The following EHMT2 variants were observed in gnomAD, a reference collection of about 807,000 sequenced individuals.
The protein encoded by EHMT2 is histone-lysine N-methyltransferase EHMT2.
Under a neutral mutation model 143.3 loss-of-function variants are expected in EHMT2, and 59 were observed. The ratio of observed to expected loss-of-function variants is 0.41; its 90% confidence interval spans 0.33 to 0.51. EHMT2 has a LOEUF of 0.51. EHMT2 is among the 20% of genes least tolerant of loss of function. The pLI is 0.18. For missense variants in EHMT2, 1,174 were observed against 1,645.9 expected, an observed-to-expected ratio of 0.71 and a Z score of 4.96; for synonymous variants, 604 against 651.5, an observed-to-expected ratio of 0.93 and a Z score of 1.11.
In EHMT2 at chr6:31,883,954, C is replaced by CA. The variant is rs1764456773; in HGVS notation, c.2772-5dup. 3.1e-6 allele frequency: 5 copies of CA among 1,612,938 alleles called. No homozygotes were observed. The East Asian group carries it at 1.1e-4, about 36-fold the overall frequency. On this transcript the variant is annotated splice_region_variant and splice_polypyrimidine_tract_variant and intron_variant, in intron 21 of 27. Coordinates refer to ENST00000375537, the Ensembl canonical transcript of EHMT2. This position sits in a 1 kb window ranked among gnomAD's most constrained non-coding sequence, Gnocchi z 5.6. ...CTCATAGCCCCGAGCCACGTCCCTG[C>CA]AGAAGACGGGAAGAAGGGGCTGGGA...
chr6:31,882,774 T>C, exon 25 of EHMT2: 1 of 1,612,374 alleles, frequency 6.2e-7, no homozygotes, highest in Non-Finnish European at 8.5e-7. Context: ...TCGGTAGAGC[T>C]GTAGCCGCAC....
chr6:31,896,376 C>A (rs1464574787), exon 4 of EHMT2: 1 of 1,613,030 alleles, frequency 6.2e-7, no homozygotes, highest in South Asian at 1.1e-5. Flanking sequence ...GCTCCCTGGG[C>A]TCCTGGCATA....
intron 7 of EHMT2, among the ~76,000 whole-genome samples, chr6:31,891,310 G>GT (rs1456236917): frequency 6.6e-6 from 1 of 152,088 alleles, no homozygotes; most frequent in Admixed American, 6.5e-5. Flanking sequence ...AAAACCATTT[G>GT]TGAGAGCTGA....
chr6:31,888,753 A>T lies in EHMT2; in HGVS notation c.1217-6T>A. 1 of 1,612,272 alleles carries T rather than the reference A, an allele frequency of 6.2e-7. No homozygotes were observed. ...AGATGTGTCATTGGACACCCCTTGG[A>T]TGGAGGAAAAGAGGAGCTGAGGGAG... On this transcript the variant is annotated splice_region_variant and splice_polypyrimidine_tract_variant and intron_variant, in intron 10 of 27. Coordinates refer to ENST00000375537, the Ensembl canonical transcript of EHMT2. This position sits in a 1 kb window ranked among gnomAD's most constrained non-coding sequence, Gnocchi z 7.4.
intron 7 of EHMT2, among the ~76,000 whole-genome samples, chr6:31,890,094 CT>C (rs1765487222): frequency 6.6e-6 from 1 of 152,282 alleles, no homozygotes; most frequent in East Asian, 1.9e-4. Flanking sequence ...ACTGTCAAGT[CT>C]TCTTGGCACC....
chr6:31,882,255 G>A (rs183884049), intron 25 of EHMT2, among the ~76,000 whole-genome samples: 2 of 152,232 alleles, frequency 1.3e-5, no homozygotes, highest in Non-Finnish European at 2.9e-5. Context: ...CTGAGGAGGT[G>A]GACAGATAGG....
rs146726232 is a variant in EHMT2 at position 31,883,925 on chromosome 6, C to T, written c.2797G>A (p.Val933Met). ...ACACCGTTGACACAGGGAATGGGCA[C>T]GTTCTCATAGCCCCGAGCCACGTCC... The change falls in exon 22 of 28, where the codon GTG becomes ATG. Residue 933 changes from valine (V) to methionine (M), a missense_variant. Around this residue, in one of 6 missense-constraint regions of EHMT2, gnomAD observed 608 missense variants for 903.7 expected, o/e 0.67. Transcript: ENST00000375537. The surrounding 1 kb of genome is among the most constrained non-coding windows in gnomAD (Gnocchi z 5.6). The T allele has an allele frequency of 3.4e-5, 55 of 1,613,760 alleles. No homozygotes were observed. The South Asian group carries it at 4.2e-4, about 12-fold the overall frequency.
At chr6:31,879,913 G>T in exon 28 of EHMT2, 1 of 762,076 alleles carries the variant, frequency 1.3e-6, no homozygotes, top group Non-Finnish European at 2.1e-6. Flanking sequence ...CTGGGAGGGA[G>T]GGGCTGTCAG....
chr6:31,891,837 A>G (rs1202142158), intron 7 of EHMT2, among the ~76,000 whole-genome samples: 1 of 152,200 alleles, frequency 6.6e-6, no homozygotes, highest in East Asian at 1.9e-4. Flanking sequence ...TTTAAACAGT[A>G]CATGTCTGTT....
At chr6:31,886,682 C>T (rs749750128) in exon 18 of EHMT2, 1 of 1,614,048 alleles carries the variant, frequency 6.2e-7, no homozygotes, top group Non-Finnish European at 8.5e-7. Context: ...CCGTCCTCCT[C>T]CTGAGGGAGA....
At position 31,884,582 on chromosome 6, in the gene EHMT2, A is replaced by G. The variant is rs1764567357; in HGVS notation, c.2604-23T>C. ...AACCTGAAGAGGGGACAGGATGCCC[A>G]ATGCAGGGTCTGAGGCTGCAAGAAG... On this transcript the variant is annotated intron_variant, in intron 20 of 27. Coordinates refer to ENST00000375537, the Ensembl canonical transcript of EHMT2. This position sits in a 1 kb window ranked among gnomAD's most constrained non-coding sequence, Gnocchi z 7.3. The G allele has an allele frequency of 6.2e-7, 1 of 1,611,828 alleles. No individual in the cohort carries two copies. The highest frequency in any genetic ancestry group is 8.5e-7 in the Non-Finnish European group (1 of 1,179,270).
chr6:31,896,712 A>AACAGTG lies in EHMT2; in HGVS notation c.216_221dup (p.Thr73_Val74dup), dbSNP rs757657792. ...CAGGGGTGTCAGCCCCCTCATCACC[A>AACAGTG]ACAGTGACAGTGACAGAGGCTGGAG... On this transcript the variant is annotated inframe_insertion, in exon 3 of 28. Transcript: ENST00000375537. The AACAGTG allele has an allele frequency of 6.8e-6, 11 of 1,612,490 alleles. No homozygotes were observed. The South Asian group carries it at 8.8e-5, about 13-fold the overall frequency.
At chr6:31,890,901 A>T (rs1193326838) in intron 7 of EHMT2, among the ~76,000 whole-genome samples, 1 of 151,748 alleles carries the variant, frequency 6.6e-6, no homozygotes, top group Non-Finnish European at 1.5e-5. Context: ...AACACAAAGA[A>T]GATGGGGAAA....
chr6:31,894,514 C>T (rs1379658877), intron 4 of EHMT2, among the ~76,000 whole-genome samples: 1 of 152,096 alleles, frequency 6.6e-6, no homozygotes, highest in Non-Finnish European at 1.5e-5. Context: ...AACTCCTGAC[C>T]TCAGGTGATC....
intron 4 of EHMT2, among the ~76,000 whole-genome samples, chr6:31,895,049 A>C (rs1766200846): frequency 6.6e-6 from 1 of 152,244 alleles, no homozygotes; most frequent in South Asian, 2.1e-4. Context: ...TTACAAAATG[A>C]ATTGCAACTA....
intron 1 of EHMT2, 121 bp from the exon 2 acceptor site, chr6:31,897,110 C>G: frequency 1.4e-6 from 2 of 1,401,226 alleles, no homozygotes; most frequent in South Asian, 1.8e-5. Context: ...CTCTGTGGGG[C>G]CCCCCCCTTC....
chr6:31,887,152 A>G lies in EHMT2; in HGVS notation c.2012-51T>C, dbSNP rs1190649360. The G allele has an allele frequency of 3.4e-6, 5 of 1,480,910 alleles. No homozygotes were observed. In the Admixed American group the frequency reaches 9.5e-5, roughly 28 times the overall value. The allele number at this position is 1,480,910 out of a possible 1,614,324, so 91.7% of individuals were successfully genotyped here. A position where few individuals can be genotyped will look rare whatever the true frequency, so the allele number is the denominator to read the frequency against. On this transcript the variant is annotated intron_variant, in intron 15 of 27. Coordinates refer to ENST00000375537, the Ensembl canonical transcript of EHMT2. ...GAGAGGGAGGGACAAGTGGTAAGCA[A>G]GCTAGGGGGCAGGTGGCACTTCTTT...
At chr6:31,897,077 T>C (rs1372447427) in intron 1 of EHMT2, 88 bp from the exon 2 acceptor site, 12 of 1,486,198 alleles carry the variant, frequency 8.1e-6, no homozygotes, top group Non-Finnish European at 1.1e-5. Context: ...GAAGAGAGAG[T>C]AGGCTCCGGG....
Position 31,880,111 on chromosome 6 carries a change from G to C in EHMT2, c.3606C>G (p.Leu1202=), listed in dbSNP as rs79319571. 9 of 1,612,770 alleles carry C rather than the reference G, an allele frequency of 5.6e-6. No individual in the cohort carries two copies. The highest frequency in any genetic ancestry group is 7.6e-6 in the Non-Finnish European group (9 of 1,179,990). The stretch of plus-strand genomic sequence containing the variant: ...ATGTGTTGACAGGGGGCAGGGAGCC[G>C]AGCTCGGGCAGCAGCTCAGGGTGTG... Residue 1202 remains leucine (L), a synonymous_variant, in exon 28 of 28, where the codon CTC becomes CTG. Coordinates refer to ENST00000375537, the Ensembl canonical transcript of EHMT2. This position sits in a 1 kb window ranked among gnomAD's most constrained non-coding sequence, Gnocchi z 6.6.
Sources: gnomAD v4.1 joint callset for allele counts (sites outside exome capture counted in the v4.1 genomes callset) on GRCh38, gnomAD v4.1.1 for gene constraint, gnomAD v4.1.1 regional missense constraint, Gnocchi (gnomAD v3.1) non-coding constraint, MANE v1.5 for transcripts, NCBI Gene and HGNC (gene_info 2026-07-23, HGNC 2026-07-21) for gene names.